RNF121: variants seen among roughly 807,000 people sequenced by gnomAD.
The protein encoded by RNF121 is E3 ubiquitin ligase RNF121.
Under a neutral mutation model 46.5 loss-of-function variants are expected in RNF121, and 21 were observed. The ratio of observed to expected loss-of-function variants is 0.45; its 90% confidence interval spans 0.32 to 0.65. The LOEUF (loss-of-function observed/expected upper bound fraction) is 0.65. RNF121 is among the 30% of genes least tolerant of loss of function. The pLI is 0.04. For missense variants in RNF121, 346 were observed against 416.0 expected, an observed-to-expected ratio of 0.83 and a Z score of 1.46; for synonymous variants, 139 against 144.7, an observed-to-expected ratio of 0.96 and a Z score of 0.28.
chr11:71,990,539 A>G (rs1954845090), intron 5 of RNF121, 58 bp from the exon 6 acceptor site: 4 of 1,592,946 alleles, frequency 2.5e-6, no homozygotes, highest in Non-Finnish European at 3.4e-6. Context: ...CCAGAGTAGT[A>G]ATCCATAGAA....
At chr11:71,957,378 C>A (rs1488890606) in intron 2 of RNF121, 114 bp downstream of exon 2, 3 of 775,078 alleles carry the variant, frequency 3.9e-6, no homozygotes, top group Non-Finnish European at 7.1e-6. Context: ...TGGCTCATGA[C>A]CGGTAGGACT....
intron 1 of RNF121, among the ~76,000 whole-genome samples, chr11:71,941,131 A>G (rs1397916608): frequency 1.3e-5 from 2 of 152,200 alleles, no homozygotes; most frequent in African/African-American, 4.8e-5. Flanking sequence ...TCTCAGAATG[A>G]CCAAGTCTAA....
intron 1 of RNF121, among the ~76,000 whole-genome samples, chr11:71,954,596 A>G (rs923122213): frequency 2.6e-5 from 4 of 152,216 alleles, no homozygotes; most frequent in African/African-American, 9.6e-5. Context: ...TAATGAAGTC[A>G]GAAGTCTTAT....
chr11:71,959,637 C>CTT (rs893968966), intron 2 of RNF121, among the ~76,000 whole-genome samples: 36 of 138,236 alleles, frequency 2.6e-4, no homozygotes, highest in African/African-American at 3.8e-4. Flanking sequence ...CTCTCTTCTT[C>CTT]TTTTTTTTTT....
chr11:71,959,514 T>C (rs2134175186), intron 2 of RNF121, among the ~76,000 whole-genome samples: 1 of 152,308 alleles, frequency 6.6e-6, no homozygotes, highest in Middle Eastern at 3.4e-3. Flanking sequence ...GGGAATTGTA[T>C]AAAAGCTTAT....
intron 6 of RNF121, among the ~76,000 whole-genome samples, chr11:71,991,550 T>C (rs1954863444): frequency 6.6e-6 from 1 of 152,158 alleles, no homozygotes; most frequent in African/African-American, 2.4e-5. Flanking sequence ...TAAACACATG[T>C]AGTAGTGTCA....
chr11:71,968,019 AT>A (rs1590796684), intron 3 of RNF121, among the ~76,000 whole-genome samples: 1 of 151,634 alleles, frequency 6.6e-6, no homozygotes, highest in East Asian at 1.9e-4. Flanking sequence ...ATTTGATTTT[AT>A]TTGTAGAATT....
At chr11:71,961,618 A>G (rs1334867889) in intron 3 of RNF121, among the ~76,000 whole-genome samples, 2 of 152,232 alleles carry the variant, frequency 1.3e-5, no homozygotes, top group African/African-American at 2.4e-5. Flanking sequence ...AAAATGACAC[A>G]CAGAAAACAA....
intron 1 of RNF121, among the ~76,000 whole-genome samples, chr11:71,933,202 A>T (rs188372137): frequency 6.6e-6 from 1 of 152,290 alleles, no homozygotes; most frequent in East Asian, 1.9e-4. Flanking sequence ...ATTAAGGTAA[A>T]AAAGCACTTC....
Position 71,997,571 on chromosome 11 carries a change from C to A in RNF121, c.*1256C>A, listed in dbSNP as rs759214575. The A allele has an allele frequency of 2.1e-4, 32 of 152,210 alleles. No homozygotes were observed. Among genetic ancestry groups the A allele is most frequent in the Non-Finnish European group, 4.1e-4 (28 of 68,028 alleles). 9.4% of individuals were successfully genotyped at this position (152,210 alleles called of 1,614,324 possible). The stretch of plus-strand genomic sequence containing the variant: ...TGTTGTCACTCCCGTCTGAATAAAG[C>A]TCCATGAGCTGGGTTGGAAAGCTGA... On this transcript the variant is annotated 3_prime_UTR_variant, in exon 9 of 9. Coordinates refer to ENST00000361756, the MANE Select transcript of RNF121 (RefSeq NM_018320.5).
intron 1 of RNF121, among the ~76,000 whole-genome samples, chr11:71,947,222 A>G (rs1953748499): frequency 6.6e-6 from 1 of 151,460 alleles, no homozygotes; most frequent in Admixed American, 6.6e-5. Flanking sequence ...AAAATGGATG[A>G]TATGGCTAGG....
chr11:71,994,639 C>T, intron 6 of RNF121, 80 bp from the exon 7 acceptor site: 1 of 1,564,876 alleles, frequency 6.4e-7, no homozygotes, highest in Non-Finnish European at 8.8e-7. Flanking sequence ...CTCTAGAAGG[C>T]CTGAGGTCTC....
chr11:71,933,821 A>AT (rs1953333442), intron 1 of RNF121, among the ~76,000 whole-genome samples: 2 of 152,326 alleles, frequency 1.3e-5, no homozygotes, highest in South Asian at 4.1e-4. Flanking sequence ...TAAGTATTTG[A>AT]TAATCGTTGT....
chr11:71,972,902 G>A (rs1475633047), intron 3 of RNF121, among the ~76,000 whole-genome samples: 1 of 152,070 alleles, frequency 6.6e-6, no homozygotes, highest in East Asian at 1.9e-4. Context: ...ACATAGGCTG[G>A]GCGGCTGGGT....
In RNF121 at chr11:71,995,537, G is replaced by A. The variant is rs1440854415; in HGVS notation, c.849G>A (p.Arg283=). Residue 283 remains arginine, a synonymous_variant, in exon 8 of 9, where the codon AGG becomes AGA. Transcript: ENST00000361756. Reference sequence around the variant, plus strand: ...GCAAAGAGAAGGTAGACCTCAAGAGGATGTTCAGCAATCCGTATCCTTTAT... The same window carrying A: ...GCAAAGAGAAGGTAGACCTCAAGAGAATGTTCAGCAATCCGTATCCTTTAT... The part of the protein sequence containing the change: ...PYCKEKVDLK[R]MFSNPWERPH... 1 of 1,588,704 alleles carries A rather than the reference G, an allele frequency of 6.3e-7. No individual in the cohort carries two copies.
intron 1 of RNF121, among the ~76,000 whole-genome samples, chr11:71,948,513 C>CAAAAAA (rs55762433): frequency 2.8e-5 from 1 of 35,334 alleles, no homozygotes; most frequent in Non-Finnish European, 5.0e-5. Flanking sequence ...AAACTGTCTC[C>CAAAAAA]AAAAAAAAAA....
chr11:71,989,520 G>A (rs7121260), intron 5 of RNF121, among the ~76,000 whole-genome samples: 126,798 of 152,174 alleles, frequency 0.83, 54,208 homozygotes, highest in Non-Finnish European at 0.94. Flanking sequence ...TAAGATCAAT[G>A]ATTTCTAGTG....
chr11:71,953,208 A>AT (rs569378709), intron 1 of RNF121, among the ~76,000 whole-genome samples: 5 of 151,986 alleles, frequency 3.3e-5, no homozygotes, highest in Non-Finnish European at 7.4e-5. Flanking sequence ...TAATTTATTT[A>AT]TTTTTTGTAG....
intron 6 of RNF121, among the ~76,000 whole-genome samples, chr11:71,992,095 C>T (rs1049070651): frequency 2.0e-5 from 3 of 152,266 alleles, no homozygotes; most frequent in African/African-American, 2.4e-5. Flanking sequence ...CAGAGCAAGA[C>T]GTTGTCTCTA....
Sources: gnomAD v4.1 joint callset for allele counts (sites outside exome capture counted in the v4.1 genomes callset) on GRCh38, gnomAD v4.1.1 for gene constraint, MANE v1.5 for transcripts, NCBI Gene and HGNC (gene_info 2026-07-23, HGNC 2026-07-21) for gene names.